The following SGCZ variants were observed in gnomAD, a reference collection of about 807,000 sequenced individuals.
SGCZ encodes the protein zeta-sarcoglycan.
SGCZ carries 40 observed loss-of-function variants against 41.3 expected under a neutral mutation model. That is an observed-to-expected ratio of 0.97 (90% CI 0.75 to 1.26). SGCZ has a LOEUF of 1.26. SGCZ is among the 50% of genes most tolerant of loss of function. The probability of loss-of-function intolerance (pLI) is 0.00; values close to 1 mark genes in which losing one functional copy is unlikely to be tolerated. For synonymous variants in SGCZ, 206 were observed against 137.5 expected (o/e 1.50, Z -3.49); for missense variants, 552 against 369.8 (o/e 1.49, Z -4.04).
At chr8:14,920,196 T>C (rs1479683326) in intron 1 of SGCZ, among the ~76,000 whole-genome samples, 1 of 152,060 alleles carries the variant, frequency 6.6e-6, no homozygotes, top group Non-Finnish European at 1.5e-5. Flanking sequence ...AGGGCTGGGA[T>C]TGCTGCCTAG....
intron 1 of SGCZ, among the ~76,000 whole-genome samples, chr8:14,972,992 G>T (rs1436520186): frequency 6.6e-6 from 1 of 151,834 alleles, no homozygotes; most frequent in African/African-American, 2.4e-5. Context: ...CTCCTTCTTT[G>T]TGTGCCTGGT....
intron 1 of SGCZ, among the ~76,000 whole-genome samples, chr8:14,571,950 G>T (rs546339198): frequency 6.6e-6 from 1 of 152,104 alleles, no homozygotes; most frequent in Admixed American, 6.6e-5. Context: ...GAAAAGGTAG[G>T]TTGGAATGAA....
intron 1 of SGCZ, among the ~76,000 whole-genome samples, chr8:14,587,135 C>G (rs769907033): frequency 6.6e-6 from 1 of 151,760 alleles, no homozygotes; most frequent in African/African-American, 2.4e-5. Flanking sequence ...TATACCGTCT[C>G]TAATACATAT....
chr8:14,380,854 G>A (rs1804335045), intron 2 of SGCZ, among the ~76,000 whole-genome samples: 1 of 151,752 alleles, frequency 6.6e-6, no homozygotes. Flanking sequence ...GTGAGAGTCT[G>A]TCTCAAACAA....
At chr8:14,137,245 A>T (rs1190592467) in intron 5 of SGCZ, among the ~76,000 whole-genome samples, 1 of 152,228 alleles carries the variant, frequency 6.6e-6, no homozygotes, top group Non-Finnish European at 1.5e-5. Context: ...AAAAGCTGAA[A>T]ATTTAAAAAA....
chr8:14,218,724 T>C (rs1806086044), intron 4 of SGCZ, among the ~76,000 whole-genome samples: 1 of 152,242 alleles, frequency 6.6e-6, no homozygotes, highest in Non-Finnish European at 1.5e-5. Flanking sequence ...GGCCATTTTC[T>C]TATTTGAGTT....
chr8:14,378,229 G>C (rs1204048112), intron 2 of SGCZ, among the ~76,000 whole-genome samples: 4 of 151,270 alleles, frequency 2.6e-5, no homozygotes, highest in African/African-American at 4.9e-5. Flanking sequence ...ATTCTAACTG[G>C]TGTGAGATGG....
intron 1 of SGCZ, among the ~76,000 whole-genome samples, chr8:14,557,949 C>G (rs953502149): frequency 6.6e-6 from 1 of 152,058 alleles, no homozygotes; most frequent in African/African-American, 2.4e-5. Flanking sequence ...AATAGCGAAG[C>G]TCCAAATAAG....
chr8:14,415,911 C>T (rs912793031), intron 2 of SGCZ, among the ~76,000 whole-genome samples: 1 of 151,850 alleles, frequency 6.6e-6, no homozygotes, highest in South Asian at 2.1e-4. Context: ...TTTTTCTGAC[C>T]TCCTTTAATA....
chr8:15,211,024 T>C (rs1462656138), intron 1 of SGCZ, among the ~76,000 whole-genome samples: 2 of 97,618 alleles, frequency 2.0e-5, no homozygotes, highest in Non-Finnish European at 4.6e-5. Context: ...TATATAGATA[T>C]ATACATATAT....
At chr8:15,232,306 A>C (rs1801968852) in intron 1 of SGCZ, among the ~76,000 whole-genome samples, 1 of 152,128 alleles carries the variant, frequency 6.6e-6, no homozygotes, top group African/African-American at 2.4e-5. Flanking sequence ...TGAGTTCATA[A>C]ATCTTAAAAT....
chr8:14,832,505 T>C (rs1802566272), intron 1 of SGCZ, among the ~76,000 whole-genome samples: 1 of 148,800 alleles, frequency 6.7e-6, no homozygotes, highest in African/African-American at 2.5e-5. Flanking sequence ...GCATTTTTTT[T>C]AACAGGGTGA....
At chr8:14,684,007 T>C (rs2117549279) in intron 1 of SGCZ, among the ~76,000 whole-genome samples, 1 of 152,294 alleles carries the variant, frequency 6.6e-6, no homozygotes, top group African/African-American at 2.4e-5. Flanking sequence ...CACTTGTGCT[T>C]TTCCTTTCTC....
At chr8:14,697,862 A>C (rs1223297577) in intron 1 of SGCZ, among the ~76,000 whole-genome samples, 1 of 151,988 alleles carries the variant, frequency 6.6e-6, no homozygotes, top group Non-Finnish European at 1.5e-5. Context: ...TTCATCAGTA[A>C]TATTGAAATT....
intron 1 of SGCZ, among the ~76,000 whole-genome samples, chr8:15,195,455 T>C (rs1369597947): frequency 1.3e-5 from 2 of 152,190 alleles, no homozygotes; most frequent in East Asian, 3.9e-4. Flanking sequence ...GGCAAGCTCA[T>C]TTTCATGCCC....
chr8:14,234,612 T>C (rs1806690335), intron 4 of SGCZ, among the ~76,000 whole-genome samples: 1 of 152,038 alleles, frequency 6.6e-6, no homozygotes, highest in Non-Finnish European at 1.5e-5. Flanking sequence ...ATTTTTTTAA[T>C]ATTGCAAAAA....
chr8:14,516,534 A>G (rs958812211), intron 2 of SGCZ, among the ~76,000 whole-genome samples: 4 of 152,108 alleles, frequency 2.6e-5, no homozygotes, highest in Non-Finnish European at 5.9e-5. Context: ...TTCTAGGTCT[A>G]TCTACGTTTT....
At chr8:14,136,833 G>C (rs894557678) in intron 5 of SGCZ, among the ~76,000 whole-genome samples, 2 of 152,294 alleles carry the variant, frequency 1.3e-5, no homozygotes, top group Admixed American at 6.5e-5. Flanking sequence ...ATCTGAGAAT[G>C]GACAGACTGC....
intron 1 of SGCZ, among the ~76,000 whole-genome samples, chr8:15,029,431 T>G (rs913473807): frequency 2.0e-5 from 3 of 152,104 alleles, no homozygotes; most frequent in Admixed American, 2.0e-4. Context: ...TGTTCATGCA[T>G]GTGTGTGAAA....
Sources: allele counts gnomAD v4.1 joint callset (sites outside exome capture counted in the v4.1 genomes callset), GRCh38; gene constraint gnomAD v4.1.1; transcripts MANE v1.5; gene names NCBI Gene and HGNC (gene_info 2026-07-23, HGNC 2026-07-21).